DMD: variants seen among roughly 807,000 people sequenced by gnomAD.
The protein encoded by DMD is dystrophin.
A neutral mutation model predicts 330.1 loss-of-function variants in DMD; 63 were observed. The observed-to-expected ratio is 0.19, with a 90% CI of 0.16 to 0.24. DMD has a LOEUF of 0.24. DMD is among the 10% of genes least tolerant of loss of function. DMD has a pLI of 1.00. For missense variants in DMD, 3,344 were observed against 2,684.1 expected (o/e 1.25, Z -5.43); for synonymous variants, 1,223 against 959.8 (o/e 1.27, Z -5.07).
rs1060502638 is a variant in DMD at position 32,545,217 on chromosome X, G to A, written c.2110C>T (p.Pro704Ser). The change falls in exon 17 of 79, where the codon CCA becomes TCA. Residue 704 changes from proline (P) to serine (S), a missense_variant. By Grantham distance (74) the Pro-to-Ser change is moderately conservative. Coordinates refer to ENST00000357033, the MANE Select transcript of DMD (RefSeq NM_004006.3). The part of the protein sequence containing the change: ...ILVKHAQEEL[P>S]PPPPQKKRQI... ...CTCTTCTTTTGGGGAGGTGGTGGTGGAAGTTCCTCTTGAGCATGCTTTACC... is the reference window on the plus strand; with the variant it reads ...CTCTTCTTTTGGGGAGGTGGTGGTGAAAGTTCCTCTTGAGCATGCTTTACC... The A allele has an allele frequency of 8.3e-6, 10 of 1,208,939 alleles. No homozygotes were observed. The African/African-American group carries it at 1.4e-4, about 17-fold the overall frequency.
intron 52 of DMD, among the ~76,000 whole-genome samples, chrX:31,724,936 C>G (rs182829098): frequency 8.9e-6 from 1 of 112,195 alleles, no homozygotes; most frequent in East Asian, 2.8e-4. Flanking sequence ...ATGTAAAAGA[C>G]AATCCTTTGA....
chrX:32,523,275 CTGTCTT>C (rs1408095525), intron 17 of DMD, among the ~76,000 whole-genome samples: 1 of 111,555 alleles, frequency 9.0e-6, no homozygotes, highest in Non-Finnish European at 1.9e-5. Flanking sequence ...TCCTCCCCTC[CTGTCTT>C]TAACTCCACA....
At chrX:32,198,885 G>A (rs777320235) in intron 44 of DMD, among the ~76,000 whole-genome samples, 25 of 112,060 alleles carry the variant, frequency 2.2e-4, no homozygotes, top group South Asian at 3.7e-4. Flanking sequence ...ATTTAGCTTC[G>A]TGTTGCCTTA....
chrX:32,997,539 C>T (rs990190121), intron 2 of DMD, among the ~76,000 whole-genome samples: 4 of 112,012 alleles, frequency 3.6e-5, no homozygotes, highest in African/African-American at 6.5e-5. Context: ...CCACCGCACC[C>T]GGCCCCTCTC....
intron 53 of DMD, among the ~76,000 whole-genome samples, chrX:31,674,370 CTG>C (rs1386017271): frequency 8.9e-6 from 1 of 112,416 alleles, no homozygotes; most frequent in Admixed American, 9.4e-5. Flanking sequence ...TATAGAATGT[CTG>C]TGTTTCAAGT....
At chrX:32,418,255 G>A (rs1342541524) in intron 29 of DMD, among the ~76,000 whole-genome samples, 1 of 111,013 alleles carries the variant, frequency 9.0e-6, no homozygotes, top group Non-Finnish European at 1.9e-5. Flanking sequence ...CACAGTCCAC[G>A]AATTCAGCAC....
intron 44 of DMD, among the ~76,000 whole-genome samples, chrX:32,107,493 G>A (rs1331747258): frequency 1.8e-5 from 2 of 108,804 alleles, no homozygotes; most frequent in Non-Finnish European, 3.8e-5. Context: ...CGAGAGAGCT[G>A]ATAGTGTAGT....
At chrX:31,684,833 A>T (rs1316106607) in intron 52 of DMD, among the ~76,000 whole-genome samples, 3 of 112,002 alleles carry the variant, frequency 2.7e-5, no homozygotes, top group Admixed American at 9.5e-5. Flanking sequence ...CTGTTTAATG[A>T]CACTGATCAA....
chrX:32,357,019 G>T (rs1380838483), intron 37 of DMD, among the ~76,000 whole-genome samples: 1 of 111,152 alleles, frequency 9.0e-6, no homozygotes, highest in Non-Finnish European at 1.9e-5. Flanking sequence ...CTCCCAAGTA[G>T]CTGGGATTAC....
chrX:31,746,900 C>T (rs148040469), intron 51 of DMD, among the ~76,000 whole-genome samples: 4 of 110,886 alleles, frequency 3.6e-5, no homozygotes, highest in African/African-American at 1.3e-4. Context: ...TACCTTTGGA[C>T]GTACATATAA....
At chrX:32,504,199 T>C (rs1354783058) in intron 18 of DMD, among the ~76,000 whole-genome samples, 1 of 112,612 alleles carries the variant, frequency 8.9e-6, no homozygotes, top group Non-Finnish European at 1.9e-5. Flanking sequence ...AATTCCAATT[T>C]ATTTACTTTC....
chrX:32,944,935 C>A (rs2146858954), intron 2 of DMD, among the ~76,000 whole-genome samples: 1 of 111,074 alleles, frequency 9.0e-6, no homozygotes, highest in African/African-American at 3.3e-5. Context: ...ACTCTAATAG[C>A]TACATGGGCA....
At chrX:33,219,915 G>T (rs952395311) in intron 1 of DMD, among the ~76,000 whole-genome samples, 1 of 110,883 alleles carries the variant, frequency 9.0e-6, no homozygotes, top group Admixed American at 9.6e-5. Context: ...AAAGAACTAT[G>T]GACAAACATA....
intron 43 of DMD, among the ~76,000 whole-genome samples, chrX:32,276,865 A>C (rs1306586149): frequency 3.6e-5 from 4 of 110,689 alleles, no homozygotes; most frequent in African/African-American, 1.3e-4. Flanking sequence ...GGTTGCAGCG[A>C]ACTGAGATCC....
At chrX:32,535,960 A>G (rs753756780) in intron 17 of DMD, among the ~76,000 whole-genome samples, 4 of 111,770 alleles carry the variant, frequency 3.6e-5, no homozygotes, top group Non-Finnish European at 7.5e-5. Context: ...GTGTTTTAAT[A>G]GAAGTGTTAA....
chrX:31,421,225 C>T (rs2063346025), intron 60 of DMD, among the ~76,000 whole-genome samples: 1 of 111,958 alleles, frequency 8.9e-6, no homozygotes, highest in South Asian at 3.7e-4. Context: ...AAATGCCCAG[C>T]TATTTTTCAG....
chrX:31,742,059 T>C (rs1603458041), intron 51 of DMD, among the ~76,000 whole-genome samples: 1 of 112,177 alleles, frequency 8.9e-6, no homozygotes, highest in Non-Finnish European at 1.9e-5. Context: ...CCAACTTTTC[T>C]GCTGCAGCTT....
chrX:31,479,012 C>A lies in DMD; in HGVS notation c.8639G>T (p.Gly2880Val). The change falls in exon 58 of 79, where the codon GGA becomes GTA. Residue 2880 changes from glycine (G) to valine (V), a missense_variant. By Grantham distance (109) the Gly-to-Val change is moderately radical. Transcript: ENST00000357033. ...GGGCTCCTGGTAGAGTTTCTCTAGTCCTTCCAAAGGCTGCTCTGTCAGAAA... is the reference window on the plus strand; with the variant it reads ...GGGCTCCTGGTAGAGTTTCTCTAGTACTTCCAAAGGCTGCTCTGTCAGAAA... Reference protein sequence around the residue: ...RIFLTEQPLEGLEKLYQEPRE... With the variant: ...RIFLTEQPLEVLEKLYQEPRE... The A allele has an allele frequency of 1.1e-5, 13 of 1,209,791 alleles. No homozygotes were observed. Among genetic ancestry groups the A allele is most frequent in the Middle Eastern group, 2.3e-4 (1 of 4,346 alleles).
At chrX:31,580,958 T>C (rs773052254) in intron 55 of DMD, among the ~76,000 whole-genome samples, 1 of 112,412 alleles carries the variant, frequency 8.9e-6, no homozygotes, top group Non-Finnish European at 1.9e-5. Context: ...TGTTGTTAAA[T>C]GAGTAATCAC....
Sources: gnomAD v4.1 joint callset for allele counts (sites outside exome capture counted in the v4.1 genomes callset) on GRCh38, gnomAD v4.1.1 for gene constraint, MANE v1.5 for transcripts, NCBI Gene and HGNC (gene_info 2026-07-23, HGNC 2026-07-21) for gene names.